The following FDFT1 variants were observed in gnomAD, a reference collection of about 807,000 sequenced individuals.
FDFT1 encodes farnesyl-diphosphate farnesyltransferase 1.
FDFT1 carries 68 observed loss-of-function variants against 46.8 expected under a neutral mutation model. The ratio of observed to expected loss-of-function variants is 1.45; its 90% CI spans 1.19 to 1.78. The LOEUF (loss-of-function observed/expected upper bound fraction) is 1.78. FDFT1 is among the 40% of genes most tolerant of loss of function. FDFT1 has a pLI of 0.00. For synonymous variants in FDFT1, 351 were observed against 185.1 expected, an observed-to-expected ratio of 1.90 and a Z score of -7.28; for missense variants, 928 against 524.4, an observed-to-expected ratio of 1.77 and a Z score of -7.52.
At chr8:11,801,854 C>T (rs1445604306), upstream of FDFT1, 3 of 419,912 alleles carry the variant, frequency 7.1e-6, no homozygotes, top group East Asian at 7.1e-5. Context: ...CCACCACACT[C>T]GGCTTTTTTG....
chr8:11,832,212 G>GT (rs1392509439), intron 7 of FDFT1, among the ~76,000 whole-genome samples: 2 of 151,798 alleles, frequency 1.3e-5, no homozygotes, highest in Admixed American at 6.6e-5. Flanking sequence ...CCTATAAAAA[G>GT]AAAACTTACC....
intron 7 of FDFT1, among the ~76,000 whole-genome samples, chr8:11,836,815 C>T (rs573056347): frequency 6.6e-6 from 1 of 152,344 alleles, no homozygotes; most frequent in South Asian, 2.1e-4. Flanking sequence ...GTGGGTGGAT[C>T]ACTTGAGGTC....
Position 11,836,904 on chromosome 8 carries a change from G to T in FDFT1, c.1033-1484G>T, listed in dbSNP as rs974276178. Among the ~76,000 whole-genome samples, 36 of 152,248 alleles carry T rather than the reference G, an allele frequency of 2.4e-4. 1 individual carries two copies. Among genetic ancestry groups the T allele is most frequent in the Non-Finnish European group, 4.4e-5 (3 of 68,050 alleles). ...ATGCAAAAATTAGCCAGGGATGCAC[G>T]CTTGCTGTGTGCCAGCACAGGGCTA... is the stretch of plus-strand genomic sequence containing the variant. On this transcript the variant is annotated intron_variant, in intron 7 of 7. Coordinates refer to ENST00000220584, the MANE Select transcript of FDFT1 (RefSeq NM_004462.5).
intron 3 of FDFT1, 27 bp downstream of exon 3, chr8:11,809,877 C>T (rs770405373): frequency 8.3e-6 from 13 of 1,574,528 alleles, no homozygotes; most frequent in South Asian, 5.7e-5. Context: ...ATCTTGTCTA[C>T]GGACTGTTGT....
chr8:11,836,242 G>A (rs1207430555), intron 7 of FDFT1, among the ~76,000 whole-genome samples: 1 of 150,670 alleles, frequency 6.6e-6, no homozygotes, highest in Admixed American at 6.6e-5. Flanking sequence ...CTATTTTATG[G>A]CTTTTGATGG....
chr8:11,825,982 A>G, intron 4 of FDFT1, 42 bp from the exon 5 acceptor site: 1 of 1,433,146 alleles, frequency 7.0e-7, no homozygotes, highest in East Asian at 2.3e-5. Context: ...CATTTCAGTA[A>G]AAATTCCATT....
chr8:11,824,881 A>C (rs368602024), intron 4 of FDFT1, among the ~76,000 whole-genome samples: 7 of 151,824 alleles, frequency 4.6e-5, no homozygotes, highest in Non-Finnish European at 1.0e-4. Context: ...GACTACAGGC[A>C]CCCGCCACCA....
At chr8:11,823,845 G>A (rs1809591940) in intron 4 of FDFT1, among the ~76,000 whole-genome samples, 1 of 152,142 alleles carries the variant, frequency 6.6e-6, no homozygotes, top group Admixed American at 6.5e-5. Flanking sequence ...CTGTGCTCAA[G>A]CAGTCCTCTC....
At chr8:11,821,682 C>G in intron 3 of FDFT1, 68 bp from the exon 4 acceptor site, 2 of 1,559,332 alleles carry the variant, frequency 1.3e-6, no homozygotes, top group South Asian at 1.1e-5. Context: ...CATTGTTTGC[C>G]TTGTGATCTT....
chr8:11,802,729 G>GGCCA (rs1186136004), upstream of FDFT1: 5 of 880,124 alleles, frequency 5.7e-6, no homozygotes, highest in Non-Finnish European at 3.6e-6. Context: ...CCCCCTGTCC[G>GGCCA]GCCAGCCCCT....
intron 4 of FDFT1, among the ~76,000 whole-genome samples, chr8:11,825,712 A>T (rs757465590): frequency 6.6e-6 from 1 of 152,078 alleles, no homozygotes; most frequent in Non-Finnish European, 1.5e-5. Context: ...AATAAAAATA[A>T]AAAAATGTTT....
intron 5 of FDFT1, among the ~76,000 whole-genome samples, chr8:11,828,953 A>C: frequency 6.6e-6 from 1 of 152,228 alleles, no homozygotes; most frequent in East Asian, 1.9e-4. Context: ...TATGGTGAAT[A>C]GTACTGTGTA....
intron 7 of FDFT1, among the ~76,000 whole-genome samples, chr8:11,835,487 C>T (rs1488626810): frequency 6.6e-6 from 1 of 152,168 alleles, no homozygotes; most frequent in South Asian, 2.1e-4. Context: ...CTGTCACAAC[C>T]AAGATTTCTC....
chr8:11,797,707 G>T (rs1805707823), upstream of FDFT1, among the ~76,000 whole-genome samples: 2 of 151,358 alleles, frequency 1.3e-5, no homozygotes, highest in South Asian at 4.2e-4. Context: ...ATAAAGGAGA[G>T]GCCAGGAAAC....
At chr8:11,806,187 C>A (rs1027212880) in intron 1 of FDFT1, among the ~76,000 whole-genome samples, 5 of 152,122 alleles carry the variant, frequency 3.3e-5, no homozygotes, top group African/African-American at 1.2e-4. Context: ...CACACCCTTC[C>A]TCTAAATTCC....
intron 1 of FDFT1, among the ~76,000 whole-genome samples, chr8:11,807,488 T>A (rs1437296444): frequency 1.3e-5 from 2 of 151,942 alleles, no homozygotes; most frequent in Admixed American, 1.3e-4. Flanking sequence ...TTCCAGTCTC[T>A]CCCAAAAAGA....
At chr8:11,798,944 G>A (rs1805833111), upstream of FDFT1, among the ~76,000 whole-genome samples, 1 of 152,210 alleles carries the variant, frequency 6.6e-6, no homozygotes, top group Non-Finnish European at 1.5e-5. Flanking sequence ...TTAGACCACA[G>A]ACGGGCACTT....
At chr8:11,833,135 G>A (rs1811076729) in intron 7 of FDFT1, among the ~76,000 whole-genome samples, 1 of 152,126 alleles carries the variant, frequency 6.6e-6, no homozygotes, top group Admixed American at 6.5e-5. Flanking sequence ...AAATTTTGTA[G>A]TCACTAGATG....
intron 3 of FDFT1, among the ~76,000 whole-genome samples, chr8:11,810,254 G>A (rs1196389208): frequency 1.3e-5 from 2 of 152,182 alleles, no homozygotes; most frequent in Non-Finnish European, 2.9e-5. Flanking sequence ...TTTTAGTGTT[G>A]TGAAAGATTC....
Sources: allele counts gnomAD v4.1 joint callset (sites outside exome capture counted in the v4.1 genomes callset), GRCh38; gene constraint gnomAD v4.1.1; transcripts MANE v1.5; gene names NCBI Gene and HGNC (gene_info 2026-07-23, HGNC 2026-07-21).